TRIM67: variants seen among roughly 807,000 people sequenced by gnomAD.
The protein encoded by TRIM67 is tripartite motif containing 67.
Under a neutral mutation model 71.0 loss-of-function variants are expected in TRIM67, and 39 were observed. The ratio of observed to expected loss-of-function variants is 0.55; its 90% CI spans 0.43 to 0.72. The LOEUF (loss-of-function observed/expected upper bound fraction) is 0.72. Among genes scored for constraint, TRIM67 ranks in the 30% least tolerant of loss-of-function variants. TRIM67 has a pLI of 0.00. For missense variants in TRIM67, 973 were observed against 1,079.2 expected, an observed-to-expected ratio of 0.90 and a Z score of 1.38; for synonymous variants, 481 against 473.9, an observed-to-expected ratio of 1.01 and a Z score of -0.19.
At chr1:231,170,085 C>T (rs753442205) in intron 1 of TRIM67, among the ~76,000 whole-genome samples, 8 of 150,962 alleles carry the variant, frequency 5.3e-5, no homozygotes, top group Admixed American at 2.6e-4. Context: ...CTCCTGGGTT[C>T]AAGAGATTCT....
chr1:231,171,966 C>T (rs977954719), intron 1 of TRIM67, among the ~76,000 whole-genome samples: 1 of 152,078 alleles, frequency 6.6e-6, no homozygotes, highest in Non-Finnish European at 1.5e-5. Flanking sequence ...GATGGTGACA[C>T]GTGCCTGTAG....
In TRIM67 at chr1:231,170,110, C is replaced by T. The variant is rs577812906; in HGVS notation, c.1044+6097C>T. On this transcript the variant is annotated intron_variant, in intron 1 of 9. Transcript: ENST00000366653. ...CAAGAGATTCTCCTGCTTCAGCCTC[C>T]TGAGTAGCTGGGATTACAGGCATGT... Among the ~76,000 whole-genome samples the T allele has an allele frequency of 3.3e-5, 5 of 151,642 alleles. No homozygotes were observed. The East Asian group carries it at 7.7e-4, about 24-fold the overall frequency.
chr1:231,164,663 A>T (rs2102708580), intron 1 of TRIM67, among the ~76,000 whole-genome samples: 1 of 152,328 alleles, frequency 6.6e-6, no homozygotes, highest in South Asian at 2.1e-4. Flanking sequence ...GACACCAATT[A>T]TTCCTTGTAG....
Position 231,215,628 on chromosome 1 carries a change from C to T in TRIM67, c.*188C>T. The T allele has an allele frequency of 2.2e-6, 3 of 1,350,350 alleles. No individual in the cohort carries two copies. Among genetic ancestry groups the T allele is most frequent in the Non-Finnish European group, 2.9e-6 (3 of 1,049,222 alleles). The allele number at this position is 1,350,350 out of a possible 1,614,324, so 83.6% of individuals were successfully genotyped here. On this transcript the variant is annotated 3_prime_UTR_variant, in exon 10 of 10. Coordinates refer to ENST00000366653, the MANE Select transcript of TRIM67 (RefSeq NM_001004342.5). ...GGAATGGGTCCACGGGCCATGCTCA[C>T]AGCTGCCACTGTCAGTGGCAAAGGA...
At chr1:231,176,600 A>C (rs1348278721) in intron 1 of TRIM67, among the ~76,000 whole-genome samples, 1 of 152,250 alleles carries the variant, frequency 6.6e-6, no homozygotes, top group East Asian at 1.9e-4. Flanking sequence ...GGATTCATCC[A>C]TATTTACACA....
In TRIM67 at chr1:231,216,058, G is replaced by A; in HGVS notation, c.*618G>A. On this transcript the variant is annotated 3_prime_UTR_variant, in exon 10 of 10. Coordinates refer to ENST00000366653, the MANE Select transcript of TRIM67 (RefSeq NM_001004342.5). Reference sequence around the variant, plus strand: ...TGACTTTTGCCTCTCTCACTGAAGTGTTAGAACCTTTTAAAATGGCTTCCT... The same window carrying A: ...TGACTTTTGCCTCTCTCACTGAAGTATTAGAACCTTTTAAAATGGCTTCCT... 1 of 985,416 alleles carries A rather than the reference G, an allele frequency of 1.0e-6. No homozygotes were observed. The highest frequency in any genetic ancestry group is 1.2e-6 in the Non-Finnish European group (1 of 829,938). 61.0% of individuals were successfully genotyped at this position (985,416 alleles called of 1,614,324 possible).
At chr1:231,204,131 G>C in intron 6 of TRIM67, 119 bp downstream of exon 6, 1 of 1,425,742 alleles carries the variant, frequency 7.0e-7, no homozygotes, top group East Asian at 2.4e-5. Flanking sequence ...ATCCTGAGGG[G>C]ACACTGGCCA....
intron 7 of TRIM67, 87 bp from the exon 8 acceptor site, chr1:231,208,860 C>T (rs1422154020): frequency 1.5e-6 from 2 of 1,338,336 alleles, no homozygotes; most frequent in Non-Finnish European, 2.1e-6. Flanking sequence ...CTAACAGAAG[C>T]GAATGTGTTT....
At chr1:231,207,085 C>T (rs1683723921) in intron 7 of TRIM67, among the ~76,000 whole-genome samples, 3 of 152,186 alleles carry the variant, frequency 2.0e-5, no homozygotes, top group Non-Finnish European at 4.4e-5. Context: ...GTGCATACGC[C>T]TCACCCTGCT....
chr1:231,175,637 A>G (rs1341263392), intron 1 of TRIM67, among the ~76,000 whole-genome samples: 3 of 152,240 alleles, frequency 2.0e-5, no homozygotes, highest in Admixed American at 2.0e-4. Context: ...TACAAAGGGC[A>G]GTAAACAGCA....
intron 5 of TRIM67, among the ~76,000 whole-genome samples, chr1:231,202,078 AG>A (rs1314304133): frequency 7.1e-6 from 1 of 141,304 alleles, no homozygotes; most frequent in Non-Finnish European, 1.5e-5. Flanking sequence ...GAGGAGGAGG[AG>A]GTGGTGGCTA....
At chr1:231,185,638 A>G (rs972479872) in intron 1 of TRIM67, among the ~76,000 whole-genome samples, 1 of 151,912 alleles carries the variant, frequency 6.6e-6, no homozygotes, top group African/African-American at 2.4e-5. Context: ...ACAGCACGAA[A>G]TCAGTGAATT....
Position 231,209,394 on chromosome 1 carries a change from G to C in TRIM67, c.2123+144G>C. On this transcript the variant is annotated intron_variant, in intron 8 of 9. Coordinates refer to ENST00000366653, the MANE Select transcript of TRIM67 (RefSeq NM_001004342.5). This position sits in a 1 kb window ranked among gnomAD's most constrained non-coding sequence, Gnocchi z 4.1. ...CAGCCACTTTGGTCTCCATTTTCTAGGAGGCCTTCACTCTGCCCATATAGA... is the reference window on the plus strand; with the variant it reads ...CAGCCACTTTGGTCTCCATTTTCTACGAGGCCTTCACTCTGCCCATATAGA... 1.1e-6 allele frequency: 1 copy of C among 946,946 alleles called. No homozygotes were observed. Among genetic ancestry groups the C allele is most frequent in the South Asian group, 2.0e-5 (1 of 49,842 alleles). 58.7% of individuals were successfully genotyped at this position (946,946 alleles called of 1,614,324 possible).
At position 231,215,701 on chromosome 1, in the gene TRIM67, C is replaced by T; in HGVS notation, c.*261C>T. 1 of 1,232,684 alleles carries T rather than the reference C, an allele frequency of 8.1e-7. No homozygotes were observed. Among genetic ancestry groups the T allele is most frequent in the Non-Finnish European group, 1.0e-6 (1 of 986,948 alleles). The allele number at this position is 1,232,684 out of a possible 1,614,324, so 76.4% of individuals were successfully genotyped here. A position where few individuals can be genotyped will look rare whatever the true frequency, so the allele number is the denominator to read the frequency against. ...CCACCCAGACATTACGAACACTCCC[C>T]AAGAAGGACCTTTCTCAAGGGAGTC... On this transcript the variant is annotated 3_prime_UTR_variant, in exon 10 of 10. Transcript: ENST00000366653.
In TRIM67 at chr1:231,215,591, T is replaced by G; in HGVS notation, c.*151T>G. ...TGGAGTGTCATAGAAACACATTTTC[T>G]TGGGGACGCAGGGAATGGGTCCACG... is the stretch of plus-strand genomic sequence containing the variant. On this transcript the variant is annotated 3_prime_UTR_variant, in exon 10 of 10. Coordinates refer to ENST00000366653, the MANE Select transcript of TRIM67 (RefSeq NM_001004342.5). 1 of 1,412,020 alleles carries G rather than the reference T, an allele frequency of 7.1e-7. No homozygotes were observed. The highest frequency in any genetic ancestry group is 9.3e-7 in the Non-Finnish European group (1 of 1,079,294). 87.5% of individuals were successfully genotyped at this position (1,412,020 alleles called of 1,614,324 possible). A position where few individuals can be genotyped will look rare whatever the true frequency, so the allele number is the denominator to read the frequency against.
intron 1 of TRIM67, among the ~76,000 whole-genome samples, chr1:231,190,572 G>A (rs1192559170): frequency 1.3e-5 from 2 of 152,172 alleles, no homozygotes; most frequent in African/African-American, 4.8e-5. Context: ...ACATACCAGG[G>A]GCTGCCACCC....
At chr1:231,200,036 G>A in intron 3 of TRIM67, 112 bp from the exon 4 acceptor site, 3 of 761,934 alleles carry the variant, frequency 3.9e-6, no homozygotes, top group East Asian at 5.0e-5. Flanking sequence ...AGGTGGTCCA[G>A]GCCAGCGCCG....
At chr1:231,171,212 A>T (rs1245896406) in intron 1 of TRIM67, among the ~76,000 whole-genome samples, 2 of 152,140 alleles carry the variant, frequency 1.3e-5, no homozygotes, top group Non-Finnish European at 2.9e-5. Context: ...TCTTTAGGTT[A>T]CACAAACTCT....
intron 1 of TRIM67, among the ~76,000 whole-genome samples, chr1:231,177,333 C>A (rs1188050425): frequency 2.0e-5 from 3 of 152,212 alleles, no homozygotes; most frequent in East Asian, 3.8e-4. Context: ...TGTCACAGAA[C>A]TAATTCTATT....
Sources: allele counts gnomAD v4.1 joint callset (sites outside exome capture counted in the v4.1 genomes callset), GRCh38; gene constraint gnomAD v4.1.1; non-coding constraint Gnocchi (gnomAD v3.1); transcripts MANE v1.5; gene names NCBI Gene and HGNC (gene_info 2026-07-23, HGNC 2026-07-21).